Variants in CSF1R observed in about 807,000 individuals in gnomAD.
The protein encoded by CSF1R is colony stimulating factor 1 receptor.
A neutral mutation model predicts 110.0 loss-of-function variants in CSF1R; 40 were observed. The ratio of observed to expected loss-of-function variants is 0.36; its 90% CI spans 0.28 to 0.47. CSF1R has a LOEUF of 0.47. Ranked by LOEUF, CSF1R falls within the 20% of genes least tolerant of loss-of-function variation. The pLI, the probability that CSF1R is intolerant of heterozygous loss-of-function variation, is 0.99. For synonymous variants in CSF1R, 523 were observed against 503.4 expected, an observed-to-expected ratio of 1.04 and a Z score of -0.52; for missense variants, 1,052 against 1,253.0, an observed-to-expected ratio of 0.84 and a Z score of 2.42.
chr5:150,104,022 G>C (rs1759476898), intron 1 of CSF1R, among the ~76,000 whole-genome samples: 1 of 151,962 alleles, frequency 6.6e-6, no homozygotes, highest in African/African-American at 2.4e-5. Flanking sequence ...TGCTGACTTA[G>C]GGGTGGGAGG....
At chr5:150,110,479 T>C (rs925630807) in intron 1 of CSF1R, among the ~76,000 whole-genome samples, 3 of 152,360 alleles carry the variant, frequency 2.0e-5, no homozygotes, top group African/African-American at 7.2e-5. Flanking sequence ...TTAAATAATG[T>C]CTGGCACAGG....
intron 1 of CSF1R, among the ~76,000 whole-genome samples, chr5:150,103,863 A>T (rs1759472774): frequency 6.6e-6 from 1 of 152,210 alleles, no homozygotes; most frequent in Non-Finnish European, 1.5e-5. Context: ...ACAACCTGGC[A>T]GGGTGCCAGG....
chr5:150,064,539 T>A (rs1757675748), intron 10 of CSF1R, among the ~76,000 whole-genome samples: 2 of 152,124 alleles, frequency 1.3e-5, no homozygotes, highest in Admixed American at 1.3e-4. Flanking sequence ...AGGATCCAAA[T>A]CCTGCCCGTG....
intron 5 of CSF1R, 51 bp downstream of exon 5, chr5:150,077,225 C>T (rs955521383): frequency 6.2e-7 from 1 of 1,610,410 alleles, no homozygotes; most frequent in South Asian, 1.1e-5. Flanking sequence ...CCCTTCTGCT[C>T]ACACTCCTGC....
intron 10 of CSF1R, among the ~76,000 whole-genome samples, chr5:150,065,941 T>C (rs1335053326): frequency 6.6e-6 from 1 of 152,236 alleles, no homozygotes; most frequent in Non-Finnish European, 1.5e-5. Context: ...TCTGCATGAC[T>C]GTCCTGGCAG....
chr5:150,090,676 T>C (rs73275685), upstream of CSF1R, among the ~76,000 whole-genome samples: 3,573 of 152,216 alleles, frequency 0.023, 149 homozygotes, highest in African/African-American at 0.082. Context: ...AGAATGAAAG[T>C]TGTAGTGTTG....
intron 18 of CSF1R, 35 bp downstream of exon 18, chr5:150,055,991 C>G: frequency 6.3e-7 from 1 of 1,585,128 alleles, no homozygotes; most frequent in Non-Finnish European, 8.7e-7. Context: ...AGGAGCCAGC[C>G]CCAGGCTCTG....
chr5:150,086,307 G>A, intron 1 of CSF1R, 72 bp downstream of exon 1: 3 of 1,464,864 alleles, frequency 2.0e-6, no homozygotes, highest in South Asian at 1.2e-5. Flanking sequence ...GAGGGGCAAG[G>A]ACTGAATCCT....
chr5:150,056,402 A>G, intron 16 of CSF1R, 61 bp from the exon 17 acceptor site: 1 of 1,598,204 alleles, frequency 6.3e-7, no homozygotes, highest in African/African-American at 1.3e-5. Flanking sequence ...TGAGGTGAGG[A>G]GGATGGCAGG....
At chr5:150,069,036 C>T (rs1250817405) in intron 9 of CSF1R, among the ~76,000 whole-genome samples, 1 of 152,234 alleles carries the variant, frequency 6.6e-6, no homozygotes, top group Non-Finnish European at 1.5e-5. Context: ...AAGAGCTTAA[C>T]ACAGTGCCTG....
intron 5 of CSF1R, among the ~76,000 whole-genome samples, chr5:150,074,842 T>TACAAACACACACAC (rs1554103279): frequency 6.6e-6 from 1 of 151,788 alleles, no homozygotes; most frequent in East Asian, 2.0e-4. Context: ...TCTTCCTTCC[T>TACAAACACACACAC]ACACACACAC....
intron 13 of CSF1R, 68 bp from the exon 14 acceptor site, chr5:150,059,930 A>G: frequency 6.5e-7 from 1 of 1,538,156 alleles, no homozygotes; most frequent in Non-Finnish European, 8.8e-7. Flanking sequence ...GGAGCATGAG[A>G]CTGGGGGCAG....
intron 5 of CSF1R, among the ~76,000 whole-genome samples, chr5:150,073,861 C>A (rs1304395573): frequency 6.6e-6 from 1 of 152,206 alleles, no homozygotes; most frequent in East Asian, 1.9e-4. Context: ...TGTCCTCATC[C>A]ATTTCCCTTT....
At chr5:150,059,371 C>A (rs1431211995) in intron 14 of CSF1R, among the ~76,000 whole-genome samples, 1 of 152,218 alleles carries the variant, frequency 6.6e-6, no homozygotes, top group Non-Finnish European at 1.5e-5. Context: ...ACTAGGGCTC[C>A]AGGCACAGAT....
In CSF1R at chr5:150,070,200, C is replaced by T. The variant is rs2113808988; in HGVS notation, c.1301G>A (p.Cys434Tyr). ...YPQPNVTWLQCSGHTDRCDEA... is the reference protein window; with the variant it reads ...YPQPNVTWLQYSGHTDRCDEA... ...CACTTACCTATCAGTGTGGCCACTG[C>T]ACTGCAGCCATGTCACGTTGGGCTG... Residue 434 changes from cysteine (C) to tyrosine (Y), a missense_variant, in exon 8 of 21, where the codon TGC becomes TAC. Coordinates refer to ENST00000675795, the MANE Select transcript of CSF1R (RefSeq NM_001288705.3). The T allele has an allele frequency of 6.2e-7, 1 of 1,613,994 alleles. No homozygotes were observed. The highest frequency in any genetic ancestry group is 8.5e-7 in the Non-Finnish European group (1 of 1,179,942).
intron 13 of CSF1R, 144 bp downstream of exon 13, chr5:150,060,718 T>C (rs1334211025): frequency 3.4e-6 from 2 of 580,170 alleles, no homozygotes; most frequent in Non-Finnish European, 6.1e-6. Context: ...GGCCCAGGAG[T>C]TTAAGGGATG....
intron 4 of CSF1R, 129 bp downstream of exon 4, chr5:150,077,983 C>T: frequency 8.1e-7 from 1 of 1,231,944 alleles, no homozygotes; most frequent in Non-Finnish European, 1.2e-6. Context: ...CTGCACCCCT[C>T]TCTGGAGTCT....
Position 150,073,442 on chromosome 5 carries a change from G to T in CSF1R, c.941C>A (p.Thr314Asn). The change falls in exon 6 of 21, where the codon ACC becomes AAC. Residue 314 changes from threonine to asparagine, a missense_variant. This residue lies in a region of CSF1R where 693 missense variants were observed against 735.4 expected (regional missense o/e 0.94). Transcript: ENST00000675795. ...SSEQNLIQEV[T>N]VGEGLNLKVM... ...TTTGAGGTTGAGCCCCTCCCCCACG[G>T]TCACCTCCTGGATGAGGTTCTGCTC... is the stretch of plus-strand genomic sequence containing the variant. The T allele has an allele frequency of 6.2e-7, 1 of 1,614,064 alleles. No individual in the cohort carries two copies. Among genetic ancestry groups the T allele is most frequent in the Non-Finnish European group, 8.5e-7 (1 of 1,179,994 alleles).
At chr5:150,057,189 C>CT (rs760186623) in intron 16 of CSF1R, 98 bp downstream of exon 16, 3 of 1,029,880 alleles carry the variant, frequency 2.9e-6, no homozygotes, top group Non-Finnish European at 4.4e-6. Context: ...CCCCTACCCC[C>CT]TCACAGGCTC....
Sources: allele counts gnomAD v4.1 joint callset (sites outside exome capture counted in the v4.1 genomes callset), GRCh38; gene constraint gnomAD v4.1.1; regional missense constraint gnomAD v4.1.1; transcripts MANE v1.5; gene names NCBI Gene and HGNC (gene_info 2026-07-23, HGNC 2026-07-21).